Variants in CSMD1 observed in about 807,000 individuals in gnomAD.
The protein encoded by CSMD1 is CUB and Sushi multiple domains 1.
In CSMD1, 213 loss-of-function variants were observed where a neutral mutation model predicts 417.5. The ratio of observed to expected loss-of-function variants is 0.51; its 90% CI spans 0.46 to 0.57. The LOEUF (loss-of-function observed/expected upper bound fraction) is 0.57, where lower values mean the gene tolerates loss of function less well. Among genes scored for constraint, CSMD1 ranks in the 20% least tolerant of loss-of-function variants. The pLI is 0.00. For missense variants in CSMD1, 6,923 were observed against 4,529.7 expected (o/e 1.53, Z -15.17); for synonymous variants, 2,862 against 1,736.8 (o/e 1.65, Z -16.11).
At chr8:3,186,568 A>G (rs188922212) in intron 36 of CSMD1, among the ~76,000 whole-genome samples, 1 of 152,208 alleles carries the variant, frequency 6.6e-6, no homozygotes, top group Non-Finnish European at 1.5e-5. Context: ...ATAAAATGGA[A>G]GTTGTATCAG....
chr8:4,529,997 C>G (rs1056568596), intron 2 of CSMD1, among the ~76,000 whole-genome samples: 1 of 152,102 alleles, frequency 6.6e-6, no homozygotes, highest in African/African-American at 2.4e-5. Flanking sequence ...TCACTGCAAG[C>G]CCCGCCTTCC....
rs529396972 is a variant in CSMD1 at position 4,545,354 on chromosome 8, G to A, written c.302+91988C>T. Among the ~76,000 whole-genome samples the A allele has an allele frequency of 1.3e-4, 20 of 152,154 alleles. 1 individual carries two copies. In the South Asian group the frequency reaches 1.7e-3, roughly 13 times the overall value. ...CTTCATAAATATTTATTATTCTTTC[G>A]TTTTATTCTCCTCCAAATATGGAGT... is the stretch of plus-strand genomic sequence containing the variant. On this transcript the variant is annotated intron_variant, in intron 2 of 69. Coordinates refer to ENST00000635120, the MANE Select transcript of CSMD1 (RefSeq NM_033225.6).
intron 1 of CSMD1, among the ~76,000 whole-genome samples, chr8:4,746,429 G>A (rs183026031): frequency 3.2e-4 from 48 of 152,238 alleles, no homozygotes; most frequent in Non-Finnish European, 5.3e-4. Flanking sequence ...TTCTTCTTGC[G>A]AATGGAAGTG....
chr8:3,030,173 C>T (rs637194), intron 50 of CSMD1, among the ~76,000 whole-genome samples: 7,585 of 151,960 alleles, frequency 0.05, 338 homozygotes, highest in African/African-American at 0.12. Flanking sequence ...ACAGTAGTAG[C>T]AGTAGTAGTA....
At chr8:4,213,302 A>G (rs748018201) in intron 3 of CSMD1, among the ~76,000 whole-genome samples, 4 of 152,124 alleles carry the variant, frequency 2.6e-5, no homozygotes, top group Non-Finnish European at 5.9e-5. Flanking sequence ...CTCTGCTCAC[A>G]CCACACCTCT....
chr8:3,355,030 G>T (rs900661735), intron 21 of CSMD1, among the ~76,000 whole-genome samples: 1 of 136,410 alleles, frequency 7.3e-6, no homozygotes, highest in Non-Finnish European at 1.6e-5. Flanking sequence ...AAGATATTTT[G>T]TTTCACTATG....
chr8:4,217,837 A>G (rs1800776007), intron 3 of CSMD1, among the ~76,000 whole-genome samples: 1 of 152,174 alleles, frequency 6.6e-6, no homozygotes. Context: ...ATTCAAATGC[A>G]AAAAGAAAAT....
intron 25 of CSMD1, among the ~76,000 whole-genome samples, chr8:3,291,675 A>C (rs533915380): frequency 9.9e-5 from 15 of 151,724 alleles, no homozygotes; most frequent in East Asian, 3.9e-4. Flanking sequence ...TGGTGATATT[A>C]CCTTTATCAT....
At chr8:3,034,656 A>T (rs1265864107) in intron 50 of CSMD1, among the ~76,000 whole-genome samples, 1 of 152,164 alleles carries the variant, frequency 6.6e-6, no homozygotes, top group East Asian at 1.9e-4. Context: ...TTAACAAGGG[A>T]TTATTTAGGA....
At chr8:3,503,825 C>G (rs1796708962) in intron 10 of CSMD1, among the ~76,000 whole-genome samples, 1 of 136,662 alleles carries the variant, frequency 7.3e-6, no homozygotes, top group Admixed American at 7.2e-5. Context: ...CTCCCCCCAT[C>G]CCCCCTTGCC....
intron 3 of CSMD1, among the ~76,000 whole-genome samples, chr8:4,412,407 C>G (rs1369481251): frequency 2.0e-5 from 3 of 152,196 alleles, no homozygotes; most frequent in Admixed American, 6.5e-5. Context: ...GCGCTGGCTC[C>G]TCCTTTGCCT....
chr8:4,622,262 G>C (rs1188432341), intron 2 of CSMD1, among the ~76,000 whole-genome samples: 1 of 152,044 alleles, frequency 6.6e-6, no homozygotes, highest in Non-Finnish European at 1.5e-5. Context: ...GGCAAAAGAG[G>C]ATACTTGCCT....
At chr8:3,939,904 G>T (rs1257217315) in intron 5 of CSMD1, among the ~76,000 whole-genome samples, 1 of 151,942 alleles carries the variant, frequency 6.6e-6, no homozygotes, top group Non-Finnish European at 1.5e-5. Context: ...CTACATATTG[G>T]GTTCACTGTA....
intron 3 of CSMD1, among the ~76,000 whole-genome samples, chr8:4,185,386 T>C (rs534995184): frequency 1.3e-5 from 2 of 152,174 alleles, no homozygotes; most frequent in African/African-American, 4.8e-5. Context: ...GCTTTTAAAG[T>C]ACCCAGAATA....
chr8:3,099,084 G>T (rs187822500), intron 46 of CSMD1, among the ~76,000 whole-genome samples: 3 of 150,918 alleles, frequency 2.0e-5, no homozygotes, highest in Admixed American at 6.6e-5. Flanking sequence ...ACTCTTCTCC[G>T]TGCCGTTCAC....
intron 2 of CSMD1, among the ~76,000 whole-genome samples, chr8:4,558,928 C>G (rs975860351): frequency 6.3e-4 from 8 of 12,658 alleles, no homozygotes; most frequent in African/African-American, 6.9e-4. Flanking sequence ...TTCAACTGAT[C>G]ATGTTTTTTT....
At chr8:3,785,707 T>C (rs1297842849) in intron 5 of CSMD1, among the ~76,000 whole-genome samples, 1 of 152,152 alleles carries the variant, frequency 6.6e-6, no homozygotes, top group African/African-American at 2.4e-5. Flanking sequence ...AGCCACGTGC[T>C]ACCAAGAAGT....
chr8:4,726,001 G>T (rs1585004260), intron 1 of CSMD1, among the ~76,000 whole-genome samples: 1 of 152,140 alleles, frequency 6.6e-6, no homozygotes, highest in South Asian at 2.1e-4. Flanking sequence ...CGAACTAGTT[G>T]TAAGAATTTT....
intron 55 of CSMD1, 27 bp downstream of exon 55, chr8:2,978,585 C>A (rs1166408469): frequency 2.6e-6 from 4 of 1,550,688 alleles, no homozygotes; most frequent in Non-Finnish European, 3.5e-6. Flanking sequence ...GGTCTCTGCA[C>A]AGAAATTGGG....
Sources: allele counts gnomAD v4.1 joint callset (sites outside exome capture counted in the v4.1 genomes callset), GRCh38; gene constraint gnomAD v4.1.1; transcripts MANE v1.5; gene names NCBI Gene and HGNC (gene_info 2026-07-23, HGNC 2026-07-21).